RFT1: variants seen among roughly 807,000 people sequenced by gnomAD.
RFT1 encodes the protein RFT1 glycolipid translocator homolog, also known as man(5)GlcNAc(2)-PP-dolichol translocation protein RFT1.
In RFT1, 43 loss-of-function variants were observed where a neutral mutation model predicts 62.2. The observed-to-expected ratio is 0.69, with a 90% CI of 0.54 to 0.89. The LOEUF is 0.89. Among genes scored for constraint, RFT1 ranks in the 40% least tolerant of loss-of-function variants. The probability of loss-of-function intolerance (pLI) is 0.00; values close to 1 mark genes in which losing one functional copy is unlikely to be tolerated. For synonymous variants in RFT1, 262 were observed against 264.6 expected (o/e 0.99, Z 0.10); for missense variants, 605 against 649.9 (o/e 0.93, Z 0.75).
chr3:53,113,822 G>A (rs1319350634), intron 6 of RFT1, among the ~76,000 whole-genome samples: 2 of 152,112 alleles, frequency 1.3e-5, no homozygotes, highest in Non-Finnish European at 1.5e-5. Flanking sequence ...TAACATTTGG[G>A]ACAGGGCAAG....
At chr3:53,105,207 A>C (rs948896256) in intron 9 of RFT1, among the ~76,000 whole-genome samples, 1 of 152,230 alleles carries the variant, frequency 6.6e-6, no homozygotes, top group Non-Finnish European at 1.5e-5. Context: ...TGAAGTCAGG[A>C]GTTCAAGAGC....
chr3:53,115,499 C>T (rs760361841), intron 6 of RFT1, among the ~76,000 whole-genome samples: 2 of 152,158 alleles, frequency 1.3e-5, no homozygotes, highest in African/African-American at 4.8e-5. Flanking sequence ...GCCACCTGAC[C>T]CTAGCCTGGC....
At chr3:53,125,813 C>T (rs1702092614) in intron 2 of RFT1, 96 bp downstream of exon 2, 1 of 957,962 alleles carries the variant, frequency 1.0e-6, no homozygotes, top group Non-Finnish European at 1.6e-6. Context: ...AAGGTCCATG[C>T]TTCTAGAATC....
Position 53,091,741 on chromosome 3 carries a change from G to A in RFT1, c.*162C>T, listed in dbSNP as rs1700993115. ...CCCCCCGCATTTCAGACTTCGAATGGTCACAGGTGTCTCATGCAGTGGCAC... is the reference window on the plus strand; with the variant it reads ...CCCCCCGCATTTCAGACTTCGAATGATCACAGGTGTCTCATGCAGTGGCAC... On this transcript the variant is annotated 3_prime_UTR_variant, in exon 13 of 13. Transcript: ENST00000296292. 1 of 750,548 alleles carries A rather than the reference G, an allele frequency of 1.3e-6. No individual in the cohort carries two copies. The highest frequency in any genetic ancestry group is 2.4e-6 in the Non-Finnish European group (1 of 423,738). The allele number at this position is 750,548 out of a possible 1,614,324, so 46.5% of individuals were successfully genotyped here. A position where few individuals can be genotyped will look rare whatever the true frequency, so the allele number is the denominator to read the frequency against.
chr3:53,114,683 A>C (rs1298390491), intron 6 of RFT1, among the ~76,000 whole-genome samples: 1 of 151,402 alleles, frequency 6.6e-6, no homozygotes, highest in Non-Finnish European at 1.5e-5. Flanking sequence ...AGCTGATCTA[A>C]ATAGCCAGGA....
the RFT1 span, among the ~76,000 whole-genome samples, chr3:53,080,658 G>A: frequency 6.6e-6 from 1 of 152,170 alleles, no homozygotes; most frequent in South Asian, 2.1e-4. Flanking sequence ...AAGTCCACTA[G>A]GCTAGAGCTA....
chr3:53,094,739 A>T (rs1701093976), intron 11 of RFT1, among the ~76,000 whole-genome samples: 1 of 151,962 alleles, frequency 6.6e-6, no homozygotes, highest in Admixed American at 6.6e-5. Context: ...AACTCCGAGT[A>T]AAATAACAAT....
At chr3:53,112,017 T>G (rs186727666) in intron 6 of RFT1, 109 bp from the exon 7 acceptor site, 1 of 820,274 alleles carries the variant, frequency 1.2e-6, no homozygotes, top group Admixed American at 1.8e-5. Context: ...CCAACTTGGA[T>G]AGTCTCCACT....
At chr3:53,126,858 T>C (rs966598395) in intron 1 of RFT1, among the ~76,000 whole-genome samples, 2 of 152,188 alleles carry the variant, frequency 1.3e-5, no homozygotes, top group Non-Finnish European at 2.9e-5. Flanking sequence ...CAGCAGCAAA[T>C]GAAAATCACT....
chr3:53,106,030 T>A (rs1279939776), intron 8 of RFT1, among the ~76,000 whole-genome samples: 2 of 151,390 alleles, frequency 1.3e-5, no homozygotes, highest in African/African-American at 4.9e-5. Context: ...CCAGGGAGTT[T>A]GAGATGAGCC....
At chr3:53,101,160 C>G (rs983384786) in intron 10 of RFT1, among the ~76,000 whole-genome samples, 5 of 152,168 alleles carry the variant, frequency 3.3e-5, no homozygotes, top group Admixed American at 6.5e-5. Flanking sequence ...CGACGCTCAA[C>G]AAAAAACCGT....
At chr3:53,075,033 G>C in the RFT1 span, among the ~76,000 whole-genome samples, 1 of 152,156 alleles carries the variant, frequency 6.6e-6, no homozygotes, top group Non-Finnish European at 1.5e-5. Context: ...CAGGCCCTCA[G>C]CCCTGAGCAG....
At chr3:53,108,995 A>C (rs1206862913) in intron 7 of RFT1, among the ~76,000 whole-genome samples, 2 of 152,140 alleles carry the variant, frequency 1.3e-5, no homozygotes, top group African/African-American at 2.4e-5. Context: ...GTTTGCAAAA[A>C]GTCCAGGCTC....
chr3:53,068,832 GTA>G, the RFT1 span, among the ~76,000 whole-genome samples: 1 of 152,178 alleles, frequency 6.6e-6, no homozygotes, highest in Non-Finnish European at 1.5e-5. Flanking sequence ...CATACTTCAA[GTA>G]TCCATACGAC....
chr3:53,071,452 G>C, the RFT1 span, among the ~76,000 whole-genome samples: 2 of 152,288 alleles, frequency 1.3e-5, no homozygotes, highest in African/African-American at 4.8e-5. Flanking sequence ...CCTACCTATG[G>C]GGCCACCCTC....
intron 6 of RFT1, among the ~76,000 whole-genome samples, chr3:53,116,619 T>C (rs78668986): frequency 1.3e-5 from 2 of 151,702 alleles, no homozygotes; most frequent in Non-Finnish European, 2.9e-5. Flanking sequence ...CTTTTTTTTT[T>C]GAGACAGAGT....
chr3:53,120,032 A>G lies in RFT1; in HGVS notation c.559-11T>C. ...TGTGGTATAGAAAAGCTGAGAAAAA[A>G]AATAAACTGTTTTAATAAAGGCATA... On this transcript the variant is annotated splice_polypyrimidine_tract_variant and intron_variant, in intron 5 of 12. Coordinates refer to ENST00000296292, the MANE Select transcript of RFT1 (RefSeq NM_052859.4). 1.9e-6 allele frequency: 3 copies of G among 1,587,160 alleles called. No homozygotes were observed. The highest frequency in any genetic ancestry group is 2.6e-6 in the Non-Finnish European group (3 of 1,170,718).
At chr3:53,098,427 T>C (rs7643323) in intron 11 of RFT1, among the ~76,000 whole-genome samples, 14 of 151,636 alleles carry the variant, frequency 9.2e-5, no homozygotes, top group African/African-American at 3.4e-4. Context: ...GGTCCCCATT[T>C]GAGACACTCC....
chr3:53,120,927 C>T (rs1463646230), intron 5 of RFT1, among the ~76,000 whole-genome samples: 1 of 152,246 alleles, frequency 6.6e-6, no homozygotes, highest in Non-Finnish European at 1.5e-5. Flanking sequence ...GCCCTTAAAG[C>T]TCCAGCGGCA....
Sources: gnomAD v4.1 joint callset for allele counts (sites outside exome capture counted in the v4.1 genomes callset) on GRCh38, gnomAD v4.1.1 for gene constraint, MANE v1.5 for transcripts, NCBI Gene and HGNC (gene_info 2026-07-23, HGNC 2026-07-21) for gene names.